The following SLC39A2 variants were observed in gnomAD, a reference collection of about 807,000 sequenced individuals.
SLC39A2 encodes solute carrier family 39 member 2.
SLC39A2 carries 14 observed loss-of-function variants against 18.0 expected under a neutral mutation model. The observed-to-expected ratio is 0.78, with a 90% CI of 0.51 to 1.22. SLC39A2 has a LOEUF of 1.22. Ranked by LOEUF, SLC39A2 falls within the 50% of genes most tolerant of loss-of-function variation. SLC39A2 has a pLI of 0.00. For missense variants in SLC39A2, 375 were observed against 370.6 expected (o/e 1.01, Z -0.10); for synonymous variants, 152 against 153.1 (o/e 0.99, Z 0.05).
chr14:20,999,706 A>C, intron 1 of SLC39A2, 36 bp from the exon 2 acceptor site: 2 of 1,613,130 alleles, frequency 1.2e-6, no homozygotes, highest in Non-Finnish European at 1.7e-6. Context: ...CTGTCTCCTC[A>C]GTGTCAAGTG....
Position 21,001,633 on chromosome 14 carries a change from G to A in SLC39A2, c.*54G>A. ...TTTAGGACAACCTCTCTATCCCCAG[G>A]GAGACCTCCCAAATGGCTTTGACCC... is the stretch of plus-strand genomic sequence containing the variant. On this transcript the variant is annotated 3_prime_UTR_variant, in exon 4 of 4. Transcript: ENST00000298681. The A allele has an allele frequency of 6.7e-7, 1 of 1,492,218 alleles. No homozygotes were observed. The highest frequency in any genetic ancestry group is 1.4e-5 in the South Asian group (1 of 70,286). The allele number at this position is 1,492,218 out of a possible 1,614,324, so 92.4% of individuals were successfully genotyped here.
intron 2 of SLC39A2, 61 bp downstream of exon 2, chr14:20,999,933 G>A (rs118028251): frequency 8.1e-4 from 1,293 of 1,600,718 alleles, no homozygotes; most frequent in Non-Finnish European, 1.1e-3. Flanking sequence ...AGGACAAAGG[G>A]AAGAGAGCGG....
In SLC39A2 at chr14:20,999,404, T is replaced by C; in HGVS notation, c.-43T>C. The C allele has an allele frequency of 1.4e-6, 2 of 1,440,626 alleles. No individual in the cohort carries two copies. Among genetic ancestry groups the C allele is most frequent in the Non-Finnish European group, 2.0e-6 (2 of 1,022,354 alleles). 89.2% of individuals were successfully genotyped at this position (1,440,626 alleles called of 1,614,324 possible). On this transcript the variant is annotated 5_prime_UTR_variant, in exon 1 of 4. Coordinates refer to ENST00000298681, the MANE Select transcript of SLC39A2 (RefSeq NM_014579.4). ...CCACTCCTGCTCCAAAGATTACAGC[T>C]CCCTTGTCATTCTGACTCCTGGGCT... is the stretch of plus-strand genomic sequence containing the variant.
chr14:20,999,922 C>A, intron 2 of SLC39A2, 50 bp downstream of exon 2: 1 of 1,609,232 alleles, frequency 6.2e-7, no homozygotes, highest in Non-Finnish European at 8.5e-7. Flanking sequence ...AAATGATAAA[C>A]AGGACAAAGG....
chr14:20,999,905 G>A (rs1566437216), intron 2 of SLC39A2, 33 bp downstream of exon 2: 1 of 1,612,656 alleles, frequency 6.2e-7, no homozygotes, highest in South Asian at 1.1e-5. Context: ...GCAGGTCTAT[G>A]AGGCCAAAAT....
chr14:21,001,407 G>A lies in SLC39A2; in HGVS notation c.758G>A (p.Gly253Glu). 1 of 1,614,102 alleles carries A rather than the reference G, an allele frequency of 6.2e-7. No homozygotes were observed. Among genetic ancestry groups the A allele is most frequent in the African/African-American group, 1.3e-5 (1 of 75,064 alleles). ...GTGACTGGAGGGGACTCTGAAGGAG[G>A]GCGGGGCTTAGCCCAGGCTGTGTTA... ...LAVTGGDSEG[G>E]RGLAQAVLEG... The change falls in exon 4 of 4, where the codon GGG becomes GAG. Residue 253 changes from glycine to glutamate, a missense_variant. Coordinates refer to ENST00000298681, the MANE Select transcript of SLC39A2 (RefSeq NM_014579.4).
At position 21,001,695 on chromosome 14, in the gene SLC39A2, TAGGA is replaced by T; in HGVS notation, c.*117_*120del. The T allele has an allele frequency of 7.9e-6, 8 of 1,016,422 alleles. No individual in the cohort carries two copies. The highest frequency in any genetic ancestry group is 1.1e-5 in the Non-Finnish European group (8 of 704,912). 63.0% of individuals were successfully genotyped at this position (1,016,422 alleles called of 1,614,324 possible). ...TTTACTCAGACTAAATAGCATTCAG[TAGGA>T]CTGGACTGGACCCCAGGTTTCCTTT... On this transcript the variant is annotated 3_prime_UTR_variant, in exon 4 of 4. Transcript: ENST00000298681.
Position 20,999,500 on chromosome 14 carries a change from C to T in SLC39A2, c.54C>T (p.Leu18=), listed in dbSNP as rs1162762304. The T allele has an allele frequency of 1.2e-6, 2 of 1,614,162 alleles. No homozygotes were observed. The highest frequency in any genetic ancestry group is 1.3e-5 in the African/African-American group (1 of 75,052). ...GCTGCCTGTTTGCCCTGTTGGCTCT[C>T]ACTCTGGGCTGTGGCCTTACTCCCA... ...KLGCLFALLA[L]TLGCGLTPIC... Residue 18 remains leucine (L), a synonymous_variant, in exon 1 of 4, where the codon CTC becomes CTT. Coordinates refer to ENST00000298681, the MANE Select transcript of SLC39A2 (RefSeq NM_014579.4).
intron 3 of SLC39A2, 124 bp downstream of exon 3, chr14:21,000,290 A>G (rs1880569203): frequency 1.5e-6 from 1 of 682,728 alleles, no homozygotes; most frequent in African/African-American, 1.8e-5. Context: ...CCTAGCTCAG[A>G]CATCGTAGAG....
At chr14:21,000,464 T>G (rs1306189792) in intron 3 of SLC39A2, among the ~76,000 whole-genome samples, 2 of 152,090 alleles carry the variant, frequency 1.3e-5, no homozygotes, top group African/African-American at 4.8e-5. Flanking sequence ...GGCAGTCTTT[T>G]GTTGTTGTTG....
Position 21,001,495 on chromosome 14 carries a change from A to G in SLC39A2, c.846A>G (p.Leu282=), listed in dbSNP as rs1485678425. The part of the protein sequence containing the change: ...VTFLEILPRE[L]ASPEAPLAKW... ...TCCTAGAAATTCTTCCACGGGAGCT[A>G]GCTAGTCCTGAGGCCCCTCTAGCTA... The change falls in exon 4 of 4, where the codon CTA becomes CTG. Residue 282 remains leucine, a synonymous_variant. Coordinates refer to ENST00000298681, the MANE Select transcript of SLC39A2 (RefSeq NM_014579.4). The G allele has an allele frequency of 6.2e-7, 1 of 1,613,036 alleles. No homozygotes were observed. Among genetic ancestry groups the G allele is most frequent in the Admixed American group, 1.7e-5 (1 of 59,988 alleles).
In SLC39A2 at chr14:21,001,190, C is replaced by T. The variant is rs1880616418; in HGVS notation, c.541C>T (p.Leu181=). The T allele has an allele frequency of 2.5e-6, 4 of 1,614,074 alleles. No individual in the cohort carries two copies. The highest frequency in any genetic ancestry group is 3.4e-6 in the Non-Finnish European group (4 of 1,180,022). ...CTCCTTTCACTCAGTGTTTGAAGGG[C>T]TAGCTGTGGGGCTGCAGCCGACAGT... The part of the protein sequence containing the change: ...SLSFHSVFEG[L]AVGLQPTVAA... The change falls in exon 4 of 4, where the codon CTA becomes TTA. Residue 181 remains leucine, a synonymous_variant. Coordinates refer to ENST00000298681, the MANE Select transcript of SLC39A2 (RefSeq NM_014579.4).
At chr14:20,999,611 C>T (rs1442552020) in intron 1 of SLC39A2, 50 bp downstream of exon 1, 4 of 1,580,518 alleles carry the variant, frequency 2.5e-6, no homozygotes. Flanking sequence ...CACCTCAACC[C>T]TGTCCTGATA....
At position 21,001,261 on chromosome 14, in the gene SLC39A2, G is replaced by T; in HGVS notation, c.612G>T (p.Gly204=). Residue 204 remains glycine, a synonymous_variant, in exon 4 of 4, where the codon GGG becomes GGT. Coordinates refer to ENST00000298681, the MANE Select transcript of SLC39A2 (RefSeq NM_014579.4). ...QLCLAVLAHK[G]LVVFGVGMRL... is the part of the protein sequence containing the mutation. Reference sequence around the variant, plus strand: ...GCCTTGCTGTCCTGGCTCATAAGGGGCTTGTGGTGTTTGGTGTAGGAATGC... The same window carrying T: ...GCCTTGCTGTCCTGGCTCATAAGGGTCTTGTGGTGTTTGGTGTAGGAATGC... 6.2e-7 allele frequency: 1 copy of T among 1,614,234 alleles called. No individual in the cohort carries two copies. Among genetic ancestry groups the T allele is most frequent in the Non-Finnish European group, 8.5e-7 (1 of 1,180,044 alleles).
Position 21,001,286 on chromosome 14 carries a change from C to T in SLC39A2, c.637C>T (p.Arg213Trp), listed in dbSNP as rs374140607. ...KGLVVFGVGM[R>W]LVHLGTSSRW... ...GCTTGTGGTGTTTGGTGTAGGAATG[C>T]GGCTAGTGCATTTAGGTACCAGCTC... The change falls in exon 4 of 4, where the codon CGG becomes TGG. Residue 213 changes from arginine to tryptophan, a missense_variant. By Grantham distance (101) the Arg-to-Trp change is moderately radical. Transcript: ENST00000298681. The T allele has an allele frequency of 1.2e-5, 19 of 1,614,064 alleles. No individual in the cohort carries two copies. The African/African-American group carries it at 1.3e-4, about 11-fold the overall frequency.
Position 20,999,300 on chromosome 14 carries a change from G to GAAGCAA in SLC39A2, c.-146_-141dup, listed in dbSNP as rs1277109688. On this transcript the variant is annotated 5_prime_UTR_variant, in exon 1 of 4. Coordinates refer to ENST00000298681, the MANE Select transcript of SLC39A2 (RefSeq NM_014579.4). The stretch of plus-strand genomic sequence containing the variant: ...TCAGCTCTGCAATGCTGCAGAAGCA[G>GAAGCAA]AAGCAACACAGAAAGAAGATACCAA... The GAAGCAA allele has an allele frequency of 4.7e-6, 3 of 643,962 alleles. No homozygotes were observed. In the African/African-American group the frequency reaches 5.4e-5, roughly 12 times the overall value. The allele number at this position is 643,962 out of a possible 1,614,324, so 39.9% of individuals were successfully genotyped here. A position where few individuals can be genotyped will look rare whatever the true frequency, so the allele number is the denominator to read the frequency against.
rs2234632 is a variant in SLC39A2, at chr14:20,999,754, T to A, written c.128T>A (p.Leu43Gln). 1.6e-3 allele frequency: 2,577 copies of A among 1,613,950 alleles called. 40 individuals carry two copies. The African/African-American group carries it at 0.029, about 18-fold the overall frequency. Residue 43 changes from leucine to glutamine, a missense_variant, in exon 2 of 4, where the codon CTA (leucine) becomes CAA (glutamine). Leu to Gln is a moderately radical substitution (Grantham distance 113, BLOSUM62 -2). Coordinates refer to ENST00000298681, the MANE Select transcript of SLC39A2 (RefSeq NM_014579.4). ...TGCTTTTTATTAGGTCATCACCGGC[T>A]AGTCCTCAGACTCCTGGGCTGTATT... Reference protein sequence around the residue: ...QIDAARGHHRLVLRLLGCISA... With the variant: ...QIDAARGHHRQVLRLLGCISA...
rs767099737 is a variant in SLC39A2, at chr14:21,001,542, G to A, written c.893G>A (p.Gly298Asp). 6.3e-7 allele frequency: 1 copy of A among 1,583,838 alleles called. No individual in the cohort carries two copies. The change falls in exon 4 of 4, where the codon GGT becomes GAT. Residue 298 changes from glycine to aspartate, a missense_variant. Coordinates refer to ENST00000298681, the MANE Select transcript of SLC39A2 (RefSeq NM_014579.4). ...GCTAAGTGGAGCTGTGTAGCCGCTGGTTTTGCCTTCATGGCCTTTATTGCC... is the reference window on the plus strand; with the variant it reads ...GCTAAGTGGAGCTGTGTAGCCGCTGATTTTGCCTTCATGGCCTTTATTGCC... ...PLAKWSCVAA[G>D]FAFMAFIALW...
At position 21,000,212 on chromosome 14, in the gene SLC39A2, G is replaced by A. The variant is rs569859254; in HGVS notation, c.297+46G>A. ...CCTATCTGGAGAGTGAGGAGAACCAGAGAGGCCTTTCATATCCAGACCCTT... is the reference window on the plus strand; with the variant it reads ...CCTATCTGGAGAGTGAGGAGAACCAAAGAGGCCTTTCATATCCAGACCCTT... On this transcript the variant is annotated intron_variant, in intron 3 of 3. Coordinates refer to ENST00000298681, the MANE Select transcript of SLC39A2 (RefSeq NM_014579.4). 21 of 1,458,914 alleles carry A rather than the reference G, an allele frequency of 1.4e-5. No homozygotes were observed. In the South Asian group the frequency reaches 1.7e-4, roughly 11 times the overall value. 90.4% of individuals were successfully genotyped at this position (1,458,914 alleles called of 1,614,324 possible).
Sources: gnomAD v4.1 joint callset for allele counts (sites outside exome capture counted in the v4.1 genomes callset) on GRCh38, gnomAD v4.1.1 for gene constraint, MANE v1.5 for transcripts, NCBI Gene and HGNC (gene_info 2026-07-23, HGNC 2026-07-21) for gene names.